The following AP2B1 variants were observed in gnomAD, a reference collection of about 807,000 sequenced individuals.
AP2B1 encodes the protein adaptor related protein complex 2 subunit beta 1, also known as AP-2 complex subunit beta.
AP2B1 carries 23 observed loss-of-function variants against 102.0 expected under a neutral mutation model. The observed-to-expected ratio is 0.23, with a 90% CI of 0.16 to 0.32. The LOEUF (loss-of-function observed/expected upper bound fraction) is 0.32. Ranked by LOEUF, AP2B1 falls within the 10% of genes least tolerant of loss-of-function variation. AP2B1 has a pLI of 1.00. For synonymous variants in AP2B1, 381 were observed against 421.2 expected, an observed-to-expected ratio of 0.90 and a Z score of 1.17; for missense variants, 541 against 1,157.4, an observed-to-expected ratio of 0.47 and a Z score of 7.73.
At chr17:35,654,514 T>C (rs1245067269) in intron 13 of AP2B1, among the ~76,000 whole-genome samples, 1 of 152,228 alleles carries the variant, frequency 6.6e-6, no homozygotes, top group Non-Finnish European at 1.5e-5. Context: ...ACAGTTGTTT[T>C]TGAGGTGGCT....
chr17:35,657,075 T>C (rs1462021087), intron 13 of AP2B1, among the ~76,000 whole-genome samples: 1 of 152,246 alleles, frequency 6.6e-6, no homozygotes, highest in Admixed American at 6.5e-5. Flanking sequence ...GGTTTCTCTC[T>C]GGTAGTTCCT....
At chr17:35,593,348 T>C (rs1413664420) in intron 1 of AP2B1, among the ~76,000 whole-genome samples, 1 of 152,190 alleles carries the variant, frequency 6.6e-6, no homozygotes, top group African/African-American at 2.4e-5. Flanking sequence ...AGGTGATGGA[T>C]ATCCCATTTA....
intron 18 of AP2B1, among the ~76,000 whole-genome samples, chr17:35,695,504 T>G (rs765561190): frequency 3.3e-5 from 5 of 152,052 alleles, no homozygotes; most frequent in Non-Finnish European, 7.4e-5. Flanking sequence ...GCTTAATTCT[T>G]GCTATACCAC....
chr17:35,616,154 T>C (rs1245184733), intron 5 of AP2B1, among the ~76,000 whole-genome samples: 10 of 24,030 alleles, frequency 4.2e-4, no homozygotes, highest in African/African-American at 1.6e-3. Context: ...TTTTTTTTTT[T>C]TTTTTTTTTT....
intron 4 of AP2B1, 46 bp from the exon 5 acceptor site, chr17:35,608,096 T>C: frequency 1.2e-6 from 2 of 1,605,372 alleles, no homozygotes; most frequent in Non-Finnish European, 1.7e-6. Flanking sequence ...CTGTTTACTT[T>C]TAGCCACCAT....
At chr17:35,668,649 G>A (rs147261601) in intron 14 of AP2B1, among the ~76,000 whole-genome samples, 67 of 152,266 alleles carry the variant, frequency 4.4e-4, no homozygotes, top group African/African-American at 1.5e-3. Context: ...TTTTGTATGA[G>A]TATTTTTTTA....
intron 4 of AP2B1, among the ~76,000 whole-genome samples, chr17:35,606,734 A>G (rs571762298): frequency 1.3e-5 from 2 of 152,220 alleles, no homozygotes; most frequent in East Asian, 1.9e-4. Flanking sequence ...TGAACATCAT[A>G]TATTAAATAG....
chr17:35,596,834 C>T (rs2073301324), intron 2 of AP2B1: 1 of 667,866 alleles, frequency 1.5e-6, no homozygotes, highest in African/African-American at 1.8e-5. Flanking sequence ...GCAGGCGCTG[C>T]CCCACACCGC....
chr17:35,687,757 C>A (rs1330268988), intron 18 of AP2B1, among the ~76,000 whole-genome samples: 1 of 151,994 alleles, frequency 6.6e-6, no homozygotes, highest in Admixed American at 6.6e-5. Flanking sequence ...CACTGTGTTG[C>A]CCAGGCTGGT....
At chr17:35,635,599 G>T (rs928744801) in intron 9 of AP2B1, among the ~76,000 whole-genome samples, 7 of 152,096 alleles carry the variant, frequency 4.6e-5, no homozygotes, top group Non-Finnish European at 1.0e-4. Context: ...GGCTAGGCTG[G>T]TCTTGAACTC....
intron 1 of AP2B1, among the ~76,000 whole-genome samples, chr17:35,588,131 A>G (rs960278762): frequency 6.7e-6 from 1 of 150,280 alleles, no homozygotes; most frequent in African/African-American, 2.5e-5. Context: ...GCTGTAGATT[A>G]AGCTGAAAGT....
intron 18 of AP2B1, among the ~76,000 whole-genome samples, chr17:35,698,354 G>C (rs1027589682): frequency 6.6e-6 from 1 of 152,038 alleles, no homozygotes; most frequent in African/African-American, 2.4e-5. Flanking sequence ...CTGTCTCCCA[G>C]GCAGGAGTGC....
At chr17:35,678,206 A>G (rs770071876) in intron 17 of AP2B1, among the ~76,000 whole-genome samples, 4 of 152,172 alleles carry the variant, frequency 2.6e-5, no homozygotes, top group Non-Finnish European at 4.4e-5. Context: ...GCTAGTATAT[A>G]GAAATATAAT....
intron 5 of AP2B1, among the ~76,000 whole-genome samples, chr17:35,609,591 C>T (rs1237226985): frequency 6.6e-6 from 1 of 152,134 alleles, no homozygotes; most frequent in Admixed American, 6.5e-5. Context: ...TCGTGATCCA[C>T]CTGACATGGC....
chr17:35,635,366 TTTTTGTTTTGCTTTGTTTTG>T (rs2074576579), intron 9 of AP2B1, among the ~76,000 whole-genome samples: 1 of 151,262 alleles, frequency 6.6e-6, no homozygotes, highest in Non-Finnish European at 1.5e-5. Context: ...TAATGGTAGT[TTTTTGTTTTGCTTTGTTTTG>T]TTTTGTTTTG....
rs1462869955 is a variant in AP2B1, at chr17:35,667,832, AG to A, written c.1990-3020del. Among the ~76,000 whole-genome samples, 4 of 152,136 alleles carry A rather than the reference AG, an allele frequency of 2.6e-5. No homozygotes were observed. The East Asian group carries it at 7.7e-4, about 29-fold the overall frequency. Reference sequence around the variant, plus strand: ...AGAGGGGAGAATAAGTTGCGGTGAGAGGGGGTAAGCCCATCAGAAAGTCGAA... The same window carrying A: ...AGAGGGGAGAATAAGTTGCGGTGAGAGGGGTAAGCCCATCAGAAAGTCGAA... On this transcript the variant is annotated intron_variant, in intron 14 of 21. Coordinates refer to ENST00000610402, the MANE Select transcript of AP2B1 (RefSeq NM_001030006.2).
intron 14 of AP2B1, among the ~76,000 whole-genome samples, chr17:35,659,519 G>T (rs925348691): frequency 1.9e-4 from 29 of 152,162 alleles, no homozygotes; most frequent in Admixed American, 1.4e-3. Context: ...ATTCCTGCAA[G>T]TATTGTATCA....
chr17:35,656,960 T>A (rs2075244488), intron 13 of AP2B1, among the ~76,000 whole-genome samples: 1 of 152,180 alleles, frequency 6.6e-6, no homozygotes, highest in Non-Finnish European at 1.5e-5. Flanking sequence ...CCTCCAAATT[T>A]TACCAATCCC....
intron 10 of AP2B1, among the ~76,000 whole-genome samples, chr17:35,638,681 CG>C (rs1190119116): frequency 6.7e-6 from 1 of 150,284 alleles, no homozygotes; most frequent in East Asian, 2.0e-4. Context: ...CCCAGCTACT[CG>C]GGAGGCTGAG....
Sources: allele counts gnomAD v4.1 joint callset (sites outside exome capture counted in the v4.1 genomes callset), GRCh38; gene constraint gnomAD v4.1.1; transcripts MANE v1.5; gene names NCBI Gene and HGNC (gene_info 2026-07-23, HGNC 2026-07-21).